Variants in MTCH1 observed in about 807,000 individuals in gnomAD.
MTCH1 encodes the protein mitochondrial carrier 1.
A neutral mutation model predicts 49.3 loss-of-function variants in MTCH1; 23 were observed. That is an observed-to-expected ratio of 0.47 (90% CI 0.34 to 0.66). The LOEUF is 0.66. Ranked by LOEUF, MTCH1 falls within the 30% of genes least tolerant of loss-of-function variation. The pLI, the probability that MTCH1 is intolerant of heterozygous loss-of-function variation, is 0.01. For missense variants in MTCH1, 397 were observed against 532.1 expected (o/e 0.75, Z 2.50); for synonymous variants, 229 against 215.2 (o/e 1.06, Z -0.56).
intron 8 of MTCH1, among the ~76,000 whole-genome samples, chr6:36,971,231 G>A (rs561201451): frequency 6.6e-6 from 1 of 152,314 alleles, no homozygotes; most frequent in Admixed American, 6.5e-5. Flanking sequence ...CCACCAGATC[G>A]ATGGCCTGGG....
chr6:36,981,549 C>G, intron 2 of MTCH1, 39 bp downstream of exon 2: 1 of 1,601,686 alleles, frequency 6.2e-7, no homozygotes, highest in Non-Finnish European at 8.5e-7. Flanking sequence ...GGCCTCTTTT[C>G]TGTTGGTGTG....
At position 36,970,707 on chromosome 6, in the gene MTCH1, A is replaced by G; in HGVS notation, c.907-13T>C. 1 of 1,613,754 alleles carries G rather than the reference A, an allele frequency of 6.2e-7. No individual in the cohort carries two copies. Among genetic ancestry groups the G allele is most frequent in the South Asian group, 1.1e-5 (1 of 90,990 alleles). On this transcript the variant is annotated splice_polypyrimidine_tract_variant and intron_variant, in intron 8 of 11. Transcript: ENST00000373627. ...GGGCCTGGCTGAACTGAGGAGACAG[A>G]AGGGAAGAGTGGTTTGCCACAGGCA...
At position 36,985,896 on chromosome 6, in the gene MTCH1, G is replaced by T; in HGVS notation, c.278C>A (p.Thr93Lys). Residue 93 changes from threonine to lysine, a missense_variant, in exon 1 of 12, where the codon ACG becomes AAG. By Grantham distance (78) the Thr-to-Lys change is moderately conservative. Coordinates refer to ENST00000373627, the MANE Select transcript of MTCH1 (RefSeq NM_001271641.2). Reference sequence around the variant, plus strand: ...GTAGAGCAGGGGATGGCTGAGCGCCGTCACGCCCGCGCCCAGTGCCACGAA... The same window carrying T: ...GTAGAGCAGGGGATGGCTGAGCGCCTTCACGCCCGCGCCCAGTGCCACGAA... The part of the protein sequence containing the change: ...ALFVALGAGV[T>K]ALSHPLLYVK... 1 of 1,559,038 alleles carries T rather than the reference G, an allele frequency of 6.4e-7. No individual in the cohort carries two copies. The highest frequency in any genetic ancestry group is 8.7e-7 in the Non-Finnish European group (1 of 1,151,506).
At chr6:36,978,475 G>A (rs1329194358) in intron 3 of MTCH1, 30 bp downstream of exon 3, 1 of 1,605,868 alleles carries the variant, frequency 6.2e-7, no homozygotes, top group African/African-American at 1.3e-5. Flanking sequence ...GAAACCTCGG[G>A]CGACTGTTCC....
chr6:36,972,919 C>T lies in MTCH1; in HGVS notation c.762-123G>A. On this transcript the variant is annotated intron_variant, in intron 7 of 11. Coordinates refer to ENST00000373627, the MANE Select transcript of MTCH1 (RefSeq NM_001271641.2). This position sits in a 1 kb window ranked among gnomAD's most constrained non-coding sequence, Gnocchi z 4.1. Reference sequence around the variant, plus strand: ...AATCTTAGCATATCCAATGGCACAGCCTTAGAAAGGAGGCCTGCAGGGTCC... The same window carrying T: ...AATCTTAGCATATCCAATGGCACAGTCTTAGAAAGGAGGCCTGCAGGGTCC... 1 of 1,010,210 alleles carries T rather than the reference C, an allele frequency of 9.9e-7. No individual in the cohort carries two copies. The highest frequency in any genetic ancestry group is 1.4e-6 in the Non-Finnish European group (1 of 691,014). The allele number at this position is 1,010,210 out of a possible 1,614,324, so 62.6% of individuals were successfully genotyped here. A position where few individuals can be genotyped will look rare whatever the true frequency, so the allele number is the denominator to read the frequency against.
At chr6:36,974,419 G>C (rs1258544070) in intron 7 of MTCH1, among the ~76,000 whole-genome samples, 5 of 152,098 alleles carry the variant, frequency 3.3e-5, no homozygotes, top group Non-Finnish European at 7.4e-5. Context: ...TGCTCAGGCT[G>C]GTCTTGAACT....
rs565276911 is a variant in MTCH1 at position 36,982,391 on chromosome 6, T to A, written c.322-719A>T. ...TGAAATATTTATTTATTTATTTTTT[T>A]TTTTGAGATGGAGTTTCACTCTTGT... On this transcript the variant is annotated intron_variant, in intron 1 of 11. Transcript: ENST00000373627. The surrounding 1 kb of genome is among the most constrained non-coding windows in gnomAD (Gnocchi z 4.1). Among the ~76,000 whole-genome samples the A allele has an allele frequency of 4.7e-3, 709 of 152,188 alleles. 10 individuals are homozygous for A. The highest frequency in any genetic ancestry group is 0.016 in the African/African-American group (673 of 41,504).
At position 36,978,175 on chromosome 6, in the gene MTCH1, G is replaced by T; in HGVS notation, c.514-20C>A. 6.3e-7 allele frequency: 1 copy of T among 1,595,612 alleles called. No homozygotes were observed. Among genetic ancestry groups the T allele is most frequent in the Non-Finnish European group, 8.6e-7 (1 of 1,163,302 alleles). Reference sequence around the variant, plus strand: ...GAAAACCTGAAACAGAGAAGGGAAAGAACCAAGTTCAGCTACGCCTCTTCC... The same window carrying T: ...GAAAACCTGAAACAGAGAAGGGAAATAACCAAGTTCAGCTACGCCTCTTCC... On this transcript the variant is annotated intron_variant, in intron 3 of 11. Transcript: ENST00000373627.
At chr6:36,970,300 C>T (rs1408924404) in intron 10 of MTCH1, 106 bp downstream of exon 10, 15 of 1,506,774 alleles carry the variant, frequency 1.0e-5, no homozygotes, top group East Asian at 2.3e-5. Flanking sequence ...GCCAAGCCTA[C>T]ACACAGAGCA....
chr6:36,969,032 C>T lies in MTCH1; in HGVS notation c.1099-58G>A, dbSNP rs529568623. 9.7e-5 allele frequency: 155 copies of T among 1,593,944 alleles called. No homozygotes were observed. In the South Asian group the frequency reaches 1.0e-3, roughly 10 times the overall value. On this transcript the variant is annotated intron_variant, in intron 11 of 11. Coordinates refer to ENST00000373627, the MANE Select transcript of MTCH1 (RefSeq NM_001271641.2). ...GGGAGGCCACGCTTCCTTGTCCCTC[C>T]GAGAGGAAGGCCAGTGTCAGGCAAA...
intron 6 of MTCH1, among the ~76,000 whole-genome samples, chr6:36,976,126 T>C (rs1372351544): frequency 6.6e-6 from 1 of 150,438 alleles, no homozygotes; most frequent in Non-Finnish European, 1.5e-5. Flanking sequence ...AGAGTAAGAG[T>C]AGGAGGGGGT....
chr6:36,970,949 G>A, intron 8 of MTCH1: 1 of 549,786 alleles, frequency 1.8e-6, no homozygotes, highest in South Asian at 2.0e-5. Context: ...CCACCGGACT[G>A]TGAGCCTCAA....
intron 2 of MTCH1, among the ~76,000 whole-genome samples, chr6:36,979,235 G>T (rs1054230189): frequency 2.6e-5 from 4 of 152,164 alleles, no homozygotes; most frequent in African/African-American, 9.7e-5. Flanking sequence ...CTATGGAGAA[G>T]TAACTAAAAC....
chr6:36,977,317 C>T lies in MTCH1; in HGVS notation c.650-67G>A, dbSNP rs1181107185. On this transcript the variant is annotated intron_variant, in intron 5 of 11. Coordinates refer to ENST00000373627, the MANE Select transcript of MTCH1 (RefSeq NM_001271641.2). The surrounding 1 kb of genome is among the most constrained non-coding windows in gnomAD (Gnocchi z 5.4). ...CCACACTTCATAATGCTCCAGCCAC[C>T]GGGTGCCAGGTGCAGAGTGGCCACT... 29 of 1,569,922 alleles carry T rather than the reference C, an allele frequency of 1.8e-5. No homozygotes were observed. Among genetic ancestry groups the T allele is most frequent in the South Asian group, 7.8e-5 (7 of 90,166 alleles).
Position 36,981,617 on chromosome 6 carries a change from A to C in MTCH1, c.377T>G (p.Val126Gly). ...GGTGAAGAAGCTCGGCAGATAGAGGACCTTCCTCCCCAGCACATTGGTCCC... is the reference window on the plus strand; with the variant it reads ...GGTGAAGAAGCTCGGCAGATAGAGGCCCTTCCTCCCCAGCACATTGGTCCC... ...TLGTNVLGRK[V>G]LYLPSFFTYA... Residue 126 changes from valine (V) to glycine (G), a missense_variant, in exon 2 of 12, where the codon GTC (valine) becomes GGC (glycine). By Grantham distance (109) the Val-to-Gly change is moderately radical. This residue lies in a region of MTCH1 where 252 missense variants were observed against 388.3 expected (regional missense o/e 0.65). Transcript: ENST00000373627. 1 of 1,613,928 alleles carries C rather than the reference A, an allele frequency of 6.2e-7. No homozygotes were observed.
chr6:36,969,743 T>A, intron 11 of MTCH1: 1 of 1,281,730 alleles, frequency 7.8e-7, no homozygotes, highest in Non-Finnish European at 1.0e-6. Flanking sequence ...CTTTACCACC[T>A]GCCACCTGGG....
intron 2 of MTCH1, among the ~76,000 whole-genome samples, chr6:36,980,431 C>A (rs1381624890): frequency 1.3e-5 from 2 of 152,270 alleles, no homozygotes; most frequent in African/African-American, 2.4e-5. Context: ...TACTGCCTCA[C>A]TACACAATGG....
At chr6:36,985,743 CCCCTCT>C in intron 1 of MTCH1, 104 bp downstream of exon 1, 2 of 1,045,546 alleles carry the variant, frequency 1.9e-6, no homozygotes, top group Non-Finnish European at 2.7e-6. Context: ...GCCGTCCCCA[CCCCTCT>C]CCCCAAATCC....
intron 2 of MTCH1, among the ~76,000 whole-genome samples, chr6:36,981,192 C>A (rs1298909755): frequency 2.6e-5 from 4 of 152,122 alleles, no homozygotes; most frequent in South Asian, 2.1e-4. Context: ...TCAAGAGGAC[C>A]CCCCGGGCCT....
Sources: gnomAD v4.1 joint callset for allele counts (sites outside exome capture counted in the v4.1 genomes callset) on GRCh38, gnomAD v4.1.1 for gene constraint, gnomAD v4.1.1 regional missense constraint, Gnocchi (gnomAD v3.1) non-coding constraint, MANE v1.5 for transcripts, NCBI Gene and HGNC (gene_info 2026-07-23, HGNC 2026-07-21) for gene names.